RERE: variants seen among roughly 807,000 people sequenced by gnomAD.
The protein encoded by RERE is arginine-glutamic acid dipeptide repeats.
In RERE, 40 loss-of-function variants were observed where a neutral mutation model predicts 146.1. That is an observed-to-expected ratio of 0.27 (90% confidence interval 0.21 to 0.36). The LOEUF (loss-of-function observed/expected upper bound fraction) is 0.36. Among genes scored for constraint, RERE ranks in the 10% least tolerant of loss-of-function variants. The pLI is 1.00. For missense variants in RERE, 1,933 were observed against 2,138.7 expected (o/e 0.90, Z 1.90); for synonymous variants, 1,003 against 866.0 (o/e 1.16, Z -2.78).
At chr1:8,507,365 T>C (rs1025161002) in intron 8 of RERE, among the ~76,000 whole-genome samples, 7 of 152,244 alleles carry the variant, frequency 4.6e-5, no homozygotes, top group African/African-American at 1.7e-4. Context: ...AGCAACCCTC[T>C]GACTGAAAAG....
chr1:8,595,607 A>T (rs542708720), intron 4 of RERE, among the ~76,000 whole-genome samples: 1 of 152,052 alleles, frequency 6.6e-6, no homozygotes, highest in Non-Finnish European at 1.5e-5. Context: ...ACAAACTGCC[A>T]AAGAAAAAAG....
intron 4 of RERE, among the ~76,000 whole-genome samples, chr1:8,581,122 T>C (rs1347440498): frequency 1.3e-5 from 2 of 152,222 alleles, no homozygotes; most frequent in Non-Finnish European, 2.9e-5. Context: ...GTATGAGAAC[T>C]TGCATTCCTG....
rs1343632178 is a variant in RERE, at chr1:8,530,724, G to A, written c.830+10490C>T. On this transcript the variant is annotated intron_variant, in intron 7 of 22. Transcript: ENST00000400908. The stretch of plus-strand genomic sequence containing the variant: ...TTTTGAGACGGAGTCTCGCTCTGTC[G>A]CCCAGGCCGGACTGCGGACTGCAGT... Among the ~76,000 whole-genome samples, 146 of 119,894 alleles carry A rather than the reference G, an allele frequency of 1.2e-3. 2 individuals are homozygous for A. Among genetic ancestry groups the A allele is most frequent in the Admixed American group, 1.2e-3 (10 of 8,628 alleles). 78.7% of individuals were successfully genotyped at this position (119,894 alleles called of 152,430 possible).
At chr1:8,661,715 C>T (rs1240537469) in intron 1 of RERE, among the ~76,000 whole-genome samples, 1 of 152,174 alleles carries the variant, frequency 6.6e-6, no homozygotes, top group Non-Finnish European at 1.5e-5. Flanking sequence ...ATGGATGAAG[C>T]TGCTGTTTGA....
At chr1:8,407,180 A>G (rs1643468878) in intron 12 of RERE, among the ~76,000 whole-genome samples, 2 of 152,200 alleles carry the variant, frequency 1.3e-5, no homozygotes, top group Admixed American at 1.3e-4. Flanking sequence ...GAACCTTGAA[A>G]TGATACAGCT....
In RERE at chr1:8,403,825, C is replaced by CTTTTTTTTTTTTTTTTTTTTTT. The variant is rs869295197; in HGVS notation, c.1284+18880_1284+18901dup. ...TCTATTTTTCTTAATAAAATCTTAGCTTTTTTTTTTTTTTTTTTTTTTTGA... is the reference window on the plus strand; with the variant it reads ...TCTATTTTTCTTAATAAAATCTTAGCTTTTTTTTTTTTTTTTTTTTTTTTTTTTTTTTTTTTTTTTTTTTTGA... On this transcript the variant is annotated intron_variant, in intron 12 of 22. Coordinates refer to ENST00000400908, the MANE Select transcript of RERE (RefSeq NM_001042681.2). 4.4e-4 allele frequency among the ~76,000 whole-genome samples: 31 copies of CTTTTTTTTTTTTTTTTTTTTTT among 70,864 alleles called. 10 individuals are homozygous for CTTTTTTTTTTTTTTTTTTTTTT. The highest frequency in any genetic ancestry group is 1.1e-3 in the East Asian group (2 of 1,746). 46.5% of individuals were successfully genotyped at this position (70,864 alleles called of 152,430 possible).
chr1:8,372,589 A>C (rs1323542968), intron 12 of RERE, among the ~76,000 whole-genome samples: 1 of 105,788 alleles, frequency 9.5e-6, no homozygotes, highest in African/African-American at 3.2e-5. Flanking sequence ...AAATAACCGT[A>C]TGCGCACCCC....
In RERE at chr1:8,360,526, C is replaced by T. The variant is rs1475018484; in HGVS notation, c.2981G>A (p.Ser994Asn). 1 of 1,321,412 alleles carries T rather than the reference C, an allele frequency of 7.6e-7. No homozygotes were observed. The highest frequency in any genetic ancestry group is 9.8e-7 in the Non-Finnish European group (1 of 1,016,810). 81.9% of individuals were successfully genotyped at this position (1,321,412 alleles called of 1,614,324 possible). ...HPPPLQLMPQ[S>N]QPLPSSPAQP... ...GGCGGGCGAGGAGGGCAATGGCTGG[C>T]TCTGAGGCATGAGTTGCAGGGGTGG... The change falls in exon 18 of 23, where the codon AGC (serine) becomes AAC (asparagine). Residue 994 changes from serine to asparagine, a missense_variant. By Grantham distance (46) the Ser-to-Asn change is conservative. Transcript: ENST00000400908.
At chr1:8,369,954 A>C (rs1480558948) in intron 12 of RERE, among the ~76,000 whole-genome samples, 1 of 151,570 alleles carries the variant, frequency 6.6e-6, no homozygotes. Flanking sequence ...CAGCCCGGCT[A>C]ATTTTTTTTG....
intron 8 of RERE, among the ~76,000 whole-genome samples, chr1:8,504,226 A>G (rs1395472761): frequency 6.6e-6 from 1 of 152,234 alleles, no homozygotes; most frequent in Non-Finnish European, 1.5e-5. Context: ...CTCTTCTGAG[A>G]CAAGTTTAAT....
At chr1:8,692,182 G>A (rs1173755862) in intron 1 of RERE, among the ~76,000 whole-genome samples, 1 of 152,036 alleles carries the variant, frequency 6.6e-6, no homozygotes, top group Non-Finnish European at 1.5e-5. Context: ...GAAACTGAGG[G>A]GAAATAACAC....
intron 1 of RERE, among the ~76,000 whole-genome samples, chr1:8,698,811 C>T (rs1639388370): frequency 6.6e-6 from 1 of 152,148 alleles, no homozygotes; most frequent in South Asian, 2.1e-4. Context: ...AGCCACTGCA[C>T]CTGGCCCCAA....
At chr1:8,379,709 C>A (rs995213474) in intron 12 of RERE, among the ~76,000 whole-genome samples, 2 of 152,176 alleles carry the variant, frequency 1.3e-5, no homozygotes, top group Non-Finnish European at 2.9e-5. Context: ...ACAGGGGGCA[C>A]GCGGGGGTCA....
intron 8 of RERE, among the ~76,000 whole-genome samples, chr1:8,503,226 T>C (rs1239748612): frequency 6.6e-6 from 1 of 152,196 alleles, no homozygotes; most frequent in Non-Finnish European, 1.5e-5. Flanking sequence ...AGCCAAATGT[T>C]TGACAACACA....
intron 3 of RERE, among the ~76,000 whole-genome samples, 187 bp from the exon 4 acceptor site, chr1:8,614,873 A>T (rs1158697516): frequency 2.0e-5 from 3 of 152,222 alleles, no homozygotes; most frequent in Non-Finnish European, 4.4e-5. Context: ...ACCTTATTTC[A>T]GTGTGAACAA....
At chr1:8,568,287 A>T (rs1358254250) in intron 4 of RERE, among the ~76,000 whole-genome samples, 1 of 152,216 alleles carries the variant, frequency 6.6e-6, no homozygotes, top group East Asian at 1.9e-4. Context: ...CTTCAGCCTC[A>T]GACAGAGTTG....
chr1:8,789,754 C>T (rs1016830698), intron 1 of RERE, among the ~76,000 whole-genome samples: 2 of 152,152 alleles, frequency 1.3e-5, no homozygotes, highest in Non-Finnish European at 2.9e-5. Flanking sequence ...GCTGCGCATA[C>T]CATATGCATT....
chr1:8,437,366 G>C (rs1420787353), intron 11 of RERE, among the ~76,000 whole-genome samples: 2 of 152,118 alleles, frequency 1.3e-5, no homozygotes, highest in African/African-American at 4.8e-5. Context: ...TGGGGGTGGA[G>C]GAAGCATTTC....
At chr1:8,555,639 A>G (rs2124422042) in intron 6 of RERE, among the ~76,000 whole-genome samples, 1 of 152,336 alleles carries the variant, frequency 6.6e-6, no homozygotes, top group South Asian at 2.1e-4. Context: ...TCACCACTTT[A>G]TTTCCAGTGA....
Sources: allele counts gnomAD v4.1 joint callset (sites outside exome capture counted in the v4.1 genomes callset), GRCh38; gene constraint gnomAD v4.1.1; transcripts MANE v1.5; gene names NCBI Gene and HGNC (gene_info 2026-07-23, HGNC 2026-07-21).